OSBPL2: variants seen among roughly 807,000 people sequenced by gnomAD.
The protein encoded by OSBPL2 is oxysterol binding protein like 2.
OSBPL2 carries 18 observed loss-of-function variants against 58.4 expected under a neutral mutation model. The observed-to-expected ratio is 0.31, with a 90% CI of 0.21 to 0.46. OSBPL2 has a LOEUF of 0.46. Ranked by LOEUF, OSBPL2 falls within the 20% of genes least tolerant of loss-of-function variation. The probability of loss-of-function intolerance (pLI) is 1.00; values close to 1 mark genes in which losing one functional copy is unlikely to be tolerated. For missense variants in OSBPL2, 461 were observed against 616.5 expected (o/e 0.75, Z 2.67); for synonymous variants, 221 against 234.1 (o/e 0.94, Z 0.51).
At position 62,281,772 on chromosome 20, in the gene OSBPL2, T is replaced by A; in HGVS notation, c.783-18T>A. On this transcript the variant is annotated intron_variant, in intron 8 of 13. Coordinates refer to ENST00000313733, the MANE Select transcript of OSBPL2 (RefSeq NM_144498.4). ...TTTGCTGTCTTGCAGCAGAAACCTGTGTTTGTTTTTCTCACAGAACTGGAC... is the reference window on the plus strand; with the variant it reads ...TTTGCTGTCTTGCAGCAGAAACCTGAGTTTGTTTTTCTCACAGAACTGGAC... The A allele has an allele frequency of 6.4e-7, 1 of 1,573,856 alleles. No individual in the cohort carries two copies. Among genetic ancestry groups the A allele is most frequent in the Non-Finnish European group, 8.7e-7 (1 of 1,144,424 alleles).
intron 1 of OSBPL2, among the ~76,000 whole-genome samples, chr20:62,251,712 G>A (rs1169032047): frequency 6.6e-6 from 1 of 151,076 alleles, no homozygotes; most frequent in Non-Finnish European, 1.5e-5. Context: ...CTGGCCTGTC[G>A]TGACATCTTA....
intron 12 of OSBPL2, 137 bp from the exon 13 acceptor site, chr20:62,291,552 TGATTGTGTTTGGTC>T: frequency 1.4e-6 from 1 of 730,070 alleles, no homozygotes; most frequent in South Asian, 1.5e-5. Context: ...TCGGCAACTG[TGATTGTGTTTGGTC>T]TCCCGATCAC....
chr20:62,254,879 A>G (rs1374387029), intron 1 of OSBPL2, among the ~76,000 whole-genome samples: 1 of 152,242 alleles, frequency 6.6e-6, no homozygotes, highest in Non-Finnish European at 1.5e-5. Context: ...TCCTGGGAGT[A>G]GCTAACTTAC....
chr20:62,273,489 T>C (rs924788542), intron 6 of OSBPL2, 83 bp downstream of exon 6: 18 of 1,044,158 alleles, frequency 1.7e-5, no homozygotes, highest in Non-Finnish European at 2.4e-5. Flanking sequence ...TCACTAGCAT[T>C]GATTCCTCTG....
rs1199864652 is a variant in OSBPL2 at position 62,292,895 on chromosome 20, T to TG, written c.1341-890_1341-889insG. On this transcript the variant is annotated intron_variant, in intron 13 of 13. Coordinates refer to ENST00000313733, the MANE Select transcript of OSBPL2 (RefSeq NM_144498.4). ...TAACCTTTCCTCATTTTTTTTTTTT[T>TG]TTGTTGTTGTTGCCCAGGCTGGAGT... Among the ~76,000 whole-genome samples the TG allele has an allele frequency of 2.2e-3, 336 of 151,884 alleles. 1 individual carries two copies. Among genetic ancestry groups the TG allele is most frequent in the African/African-American group, 7.1e-3 (293 of 41,452 alleles).
chr20:62,281,968 C>A, intron 9 of OSBPL2, 89 bp downstream of exon 9: 1 of 797,936 alleles, frequency 1.3e-6, no homozygotes, highest in Non-Finnish European at 2.2e-6. Context: ...CTGCGTGTGC[C>A]TACGTGCATG....
intron 7 of OSBPL2, chr20:62,279,869 G>A (rs1982667095): frequency 6.9e-6 from 7 of 1,011,576 alleles, no homozygotes; most frequent in East Asian, 6.1e-5. Context: ...CAGGGAAGTG[G>A]CCCTTTGCAC....
At chr20:62,244,550 A>G (rs906400649) in intron 1 of OSBPL2, among the ~76,000 whole-genome samples, 6 of 152,216 alleles carry the variant, frequency 3.9e-5, no homozygotes, top group Admixed American at 6.5e-5. Flanking sequence ...CATAAGGAGA[A>G]GGTTGATTAA....
At chr20:62,276,977 G>T (rs576286859) in intron 6 of OSBPL2, among the ~76,000 whole-genome samples, 21 of 152,344 alleles carry the variant, frequency 1.4e-4, no homozygotes, top group African/African-American at 5.1e-4. Flanking sequence ...GGCCGGGCGT[G>T]GTGGCTCACG....
chr20:62,263,489 C>T lies in OSBPL2; in HGVS notation c.183-127C>T, dbSNP rs143747339. ...GTCGTGCCCTGTGTCCCTAGGCATG[C>T]CAGAATGTAGAAATGCCAATGTTTA... On this transcript the variant is annotated intron_variant, in intron 3 of 13. Coordinates refer to ENST00000313733, the MANE Select transcript of OSBPL2 (RefSeq NM_144498.4). 4.5e-3 allele frequency: 3,373 copies of T among 757,034 alleles called. 119 individuals are homozygous for T. In the South Asian group the frequency reaches 0.05, roughly 11 times the overall value. 46.9% of individuals were successfully genotyped at this position (757,034 alleles called of 1,614,324 possible).
intron 10 of OSBPL2, chr20:62,285,894 G>A (rs1332399795): frequency 6.5e-6 from 1 of 153,232 alleles, no homozygotes; most frequent in Non-Finnish European, 1.5e-5. Context: ...CACCCGAAGG[G>A]AAACACGCCT....
chr20:62,241,719 ACAT>A (rs1310519646), intron 1 of OSBPL2, among the ~76,000 whole-genome samples: 1 of 152,214 alleles, frequency 6.6e-6, no homozygotes, highest in Non-Finnish European at 1.5e-5. Context: ...TGAAAATATA[ACAT>A]CAAGTGTCTG....
At position 62,281,772 on chromosome 20, in the gene OSBPL2, TG is replaced by T; in HGVS notation, c.783-17del. 6.4e-7 allele frequency: 1 copy of T among 1,573,856 alleles called. No homozygotes were observed. Among genetic ancestry groups the T allele is most frequent in the Non-Finnish European group, 8.7e-7 (1 of 1,144,424 alleles). On this transcript the variant is annotated splice_polypyrimidine_tract_variant and intron_variant, in intron 8 of 13. Coordinates refer to ENST00000313733, the MANE Select transcript of OSBPL2 (RefSeq NM_144498.4). ...TTTGCTGTCTTGCAGCAGAAACCTG[TG>T]TTTGTTTTTCTCACAGAACTGGACA...
At chr20:62,259,349 C>T (rs749227870) in intron 2 of OSBPL2, 4 of 152,300 alleles carry the variant, frequency 2.6e-5, no homozygotes, top group Non-Finnish European at 5.9e-5. Context: ...TTCTCCAGGA[C>T]TTTTGCTCCA....
chr20:62,286,560 C>T (rs771683987), intron 10 of OSBPL2, 23 bp from the exon 11 acceptor site: 2 of 1,601,666 alleles, frequency 1.2e-6, no homozygotes, highest in Middle Eastern at 3.3e-4. Context: ...CGGGCAGCCA[C>T]ACAGCAGGGT....
chr20:62,248,155 C>CTTTTTTTTTTTTTTTTTTTTTTTTTT (rs11470491), intron 1 of OSBPL2, among the ~76,000 whole-genome samples: 3 of 118,852 alleles, frequency 2.5e-5, no homozygotes, highest in Non-Finnish European at 5.1e-5. Flanking sequence ...CTTTTCTTTT[C>CTTTTTTTTTTTTTTTTTTTTTTTTTT]TTTTTTTTTT....
chr20:62,256,205 CTTTGA>C lies in OSBPL2; in HGVS notation c.23_27del (p.Phe8CysfsTer6). ...GAAGGATGAACGGAGAGGAAGAATTCTTTGATGCCGTCACAGGTGAGTCAAAAGAG... is the reference window on the plus strand; with the variant it reads ...GAAGGATGAACGGAGAGGAAGAATTCTGCCGTCACAGGTGAGTCAAAAGAG... On this transcript the variant is annotated frameshift_variant, in exon 2 of 14. Transcript: ENST00000313733. LOFTEE classifies it high-confidence loss of function. The C allele has an allele frequency of 6.2e-7, 1 of 1,613,874 alleles. No individual in the cohort carries two copies. The highest frequency in any genetic ancestry group is 8.5e-7 in the Non-Finnish European group (1 of 1,179,860).
chr20:62,275,078 T>C (rs1982302202), intron 6 of OSBPL2, among the ~76,000 whole-genome samples: 1 of 152,190 alleles, frequency 6.6e-6, no homozygotes, highest in African/African-American at 2.4e-5. Context: ...CTGGCTGGGC[T>C]CACGCCTGGA....
rs540567206 is a variant in OSBPL2, at chr20:62,279,287, G to A, written c.622G>A (p.Gly208Ser). The change falls in exon 7 of 14, where the codon GGC (glycine) becomes AGC (serine). Residue 208 changes from glycine (G) to serine (S), a missense_variant. Transcript: ENST00000313733. ...CATCTACCCCAAGCTCAAGTTCTGG[G>A]GCAAAAGCGTGGAGGCGGAGCCCCG... is the stretch of plus-strand genomic sequence containing the variant. ...GSIYPKLKFWGKSVEAEPRGT... is the reference protein window; with the variant it reads ...GSIYPKLKFWSKSVEAEPRGT... 1.2e-6 allele frequency: 2 copies of A among 1,614,212 alleles called. No individual in the cohort carries two copies. Among genetic ancestry groups the A allele is most frequent in the South Asian group, 1.1e-5 (1 of 91,078 alleles).
Sources: gnomAD v4.1 joint callset for allele counts (sites outside exome capture counted in the v4.1 genomes callset) on GRCh38, gnomAD v4.1.1 for gene constraint, MANE v1.5 for transcripts, NCBI Gene and HGNC (gene_info 2026-07-23, HGNC 2026-07-21) for gene names.